The following CMC2 variants were observed in gnomAD, a reference collection of about 807,000 sequenced individuals.
CMC2 encodes the protein C-X9-C motif containing 2.
Under a neutral mutation model 7.5 loss-of-function variants are expected in CMC2, and 5 were observed. The observed-to-expected ratio is 0.66, with a 90% CI of 0.35 to 1.40. CMC2 has a LOEUF of 1.40. CMC2 is among the 40% of genes most tolerant of loss of function. The pLI is 0.04. For missense variants in CMC2, 115 were observed against 92.3 expected, an observed-to-expected ratio of 1.25 and a Z score of -1.01; for synonymous variants, 37 against 31.4, an observed-to-expected ratio of 1.18 and a Z score of -0.60.
intron 2 of CMC2, among the ~76,000 whole-genome samples, chr16:80,993,325 A>G (rs1968153966): frequency 6.6e-6 from 1 of 152,308 alleles, no homozygotes; most frequent in South Asian, 2.1e-4. Flanking sequence ...CAATTTCCAA[A>G]CCATGTAGCA....
intron 2 of CMC2, among the ~76,000 whole-genome samples, chr16:80,984,702 G>A (rs775624308): frequency 2.2e-4 from 34 of 152,116 alleles, no homozygotes; most frequent in Non-Finnish European, 4.0e-4. Context: ...TTCAAGTCAA[G>A]TAGACTTTTC....
rs1420723030 is a variant in CMC2, at chr16:80,975,947, G to T, written c.*146C>A. 1 of 620,836 alleles carries T rather than the reference G, an allele frequency of 1.6e-6. No homozygotes were observed. Among genetic ancestry groups the T allele is most frequent in the African/African-American group, 1.9e-5 (1 of 53,750 alleles). 38.5% of individuals were successfully genotyped at this position (620,836 alleles called of 1,614,324 possible). ...GCCCAACAAATACTCAGAATCCAGG[G>T]TTTTCATATTTCTCCATGGTTCAAT... is the stretch of plus-strand genomic sequence containing the variant. On this transcript the variant is annotated 3_prime_UTR_variant, in exon 4 of 4. Transcript: ENST00000219400.
chr16:80,978,269 C>CA (rs1262838317), intron 3 of CMC2: 1 of 1,121,060 alleles, frequency 8.9e-7, no homozygotes, highest in East Asian at 7.6e-5. Context: ...GGATTGCCCC[C>CA]AGCAATCAGG....
intron 3 of CMC2, chr16:80,980,816 G>C (rs1378620291): frequency 2.9e-6 from 2 of 699,956 alleles, no homozygotes; most frequent in African/African-American, 3.5e-5. Flanking sequence ...GATCACTTGA[G>C]TTTGAGGCTT....
intron 1 of CMC2, among the ~76,000 whole-genome samples, chr16:81,004,716 G>T (rs1441978064): frequency 1.3e-5 from 2 of 152,194 alleles, no homozygotes; most frequent in African/African-American, 2.4e-5. Context: ...TCTTAGTGAA[G>T]ATATAAAAAT....
At chr16:80,990,107 CT>C (rs36083108) in intron 2 of CMC2, among the ~76,000 whole-genome samples, 2 of 151,326 alleles carry the variant, frequency 1.3e-5, no homozygotes, top group South Asian at 4.2e-4. Flanking sequence ...ATTCCCTCCC[CT>C]TTTTTTGAGT....
At position 80,974,885 on chromosome 16, in the gene CMC2, G is replaced by C. The variant is rs960170720; in HGVS notation, c.*1208C>G. The C allele has an allele frequency of 6.6e-6, 1 of 152,114 alleles. No homozygotes were observed. The highest frequency in any genetic ancestry group is 1.5e-5 in the Non-Finnish European group (1 of 68,030). The allele number at this position is 152,114 out of a possible 1,614,324, so 9.4% of individuals were successfully genotyped here. A position where few individuals can be genotyped will look rare whatever the true frequency, so the allele number is the denominator to read the frequency against. ...TGAATGTCTGTTATGCTCTGTAATC[G>C]ACGTACTGAGCGAAAGTCCAGCTTC... On this transcript the variant is annotated 3_prime_UTR_variant, in exon 4 of 4. Transcript: ENST00000219400.
intron 1 of CMC2, among the ~76,000 whole-genome samples, chr16:81,002,075 A>T (rs953520779): frequency 5.3e-5 from 8 of 152,190 alleles, no homozygotes; most frequent in African/African-American, 1.9e-4. Flanking sequence ...CTGCACCTAC[A>T]TTTATGTGAA....
At chr16:81,003,120 A>C (rs556536285) in intron 1 of CMC2, among the ~76,000 whole-genome samples, 1 of 152,318 alleles carries the variant, frequency 6.6e-6, no homozygotes, top group Non-Finnish European at 1.5e-5. Flanking sequence ...GCATACACAG[A>C]TGTACTGCTG....
chr16:80,993,745 G>T (rs1054990572), intron 2 of CMC2, among the ~76,000 whole-genome samples: 1 of 152,074 alleles, frequency 6.6e-6, no homozygotes, highest in Non-Finnish European at 1.5e-5. Flanking sequence ...GTAAAAACAC[G>T]AACTGCCTGC....
intron 2 of CMC2, among the ~76,000 whole-genome samples, chr16:80,987,641 G>C (rs1967644605): frequency 6.6e-6 from 1 of 152,122 alleles, no homozygotes; most frequent in African/African-American, 2.4e-5. Flanking sequence ...AATAACACTT[G>C]CCTGCAAAGA....
chr16:81,004,826 C>G (rs1398679070), intron 1 of CMC2, among the ~76,000 whole-genome samples: 1 of 152,210 alleles, frequency 6.6e-6, no homozygotes, highest in Non-Finnish European at 1.5e-5. Context: ...CACCAGGTGG[C>G]ACAATTTTAG....
intron 2 of CMC2, among the ~76,000 whole-genome samples, chr16:80,994,055 A>C (rs2602452): frequency 0.81 from 123,903 of 152,138 alleles, 50,511 homozygotes; most frequent in South Asian, 0.94. Context: ...CACATATGGT[A>C]AATTGATTTT....
At position 80,968,239 on chromosome 16, in the gene CMC2, A is replaced by G. The variant is rs1000861302; in HGVS notation, c.*7854T>C. On this transcript the variant is annotated 3_prime_UTR_variant, in exon 4 of 4. Coordinates refer to ENST00000219400, the MANE Select transcript of CMC2 (RefSeq NM_020188.5). ...CTAAAACTCTCCATTTCTTTTTTTTATTTTTATTTTTGTAGAGACAGGGTC... is the reference window on the plus strand; with the variant it reads ...CTAAAACTCTCCATTTCTTTTTTTTGTTTTTATTTTTGTAGAGACAGGGTC... 1 of 151,240 alleles carries G rather than the reference A, an allele frequency of 6.6e-6. No individual in the cohort carries two copies. The highest frequency in any genetic ancestry group is 2.4e-5 in the African/African-American group (1 of 40,950). The allele number at this position is 151,240 out of a possible 1,614,324, so 9.4% of individuals were successfully genotyped here.
chr16:81,006,641 G>A, intron 1 of CMC2, 93 bp downstream of exon 1: 1 of 925,610 alleles, frequency 1.1e-6, no homozygotes, highest in African/African-American at 1.8e-5. Flanking sequence ...GGGGCCGACG[G>A]GCGGCAGGAA....
intron 1 of CMC2, chr16:80,997,979 C>T (rs1968559905): frequency 6.6e-6 from 1 of 151,898 alleles, no homozygotes; most frequent in African/African-American, 2.4e-5. Flanking sequence ...CAGATATAGC[C>T]ATAAAACTAA....
chr16:80,966,764 A>T lies in CMC2; in HGVS notation c.*9329T>A, dbSNP rs1911582694. The T allele has an allele frequency of 6.6e-6, 1 of 152,136 alleles. No homozygotes were observed. The highest frequency in any genetic ancestry group is 2.4e-5 in the African/African-American group (1 of 41,434). The allele number at this position is 152,136 out of a possible 1,614,324, so 9.4% of individuals were successfully genotyped here. ...GACATGTACTCGAGTTATTTGTTTCAGCTTGTTTTCAAGTTTTAGGAATTT... is the reference window on the plus strand; with the variant it reads ...GACATGTACTCGAGTTATTTGTTTCTGCTTGTTTTCAAGTTTTAGGAATTT... On this transcript the variant is annotated 3_prime_UTR_variant, in exon 4 of 4. Transcript: ENST00000219400.
intron 2 of CMC2, among the ~76,000 whole-genome samples, chr16:80,996,631 T>C (rs1007784162): frequency 1.3e-5 from 2 of 152,230 alleles, no homozygotes; most frequent in Non-Finnish European, 2.9e-5. Flanking sequence ...TTATTATAAT[T>C]TGATATATCT....
intron 2 of CMC2, among the ~76,000 whole-genome samples, chr16:80,984,606 T>C (rs1309944356): frequency 6.6e-6 from 1 of 152,238 alleles, no homozygotes; most frequent in East Asian, 1.9e-4. Flanking sequence ...TCCTCTATCA[T>C]TCCCAAAGAA....
Sources: allele counts gnomAD v4.1 joint callset (sites outside exome capture counted in the v4.1 genomes callset), GRCh38; gene constraint gnomAD v4.1.1; transcripts MANE v1.5; gene names NCBI Gene and HGNC (gene_info 2026-07-23, HGNC 2026-07-21).